Variants in CERS6 observed in about 807,000 individuals in gnomAD.
CERS6 encodes LAG1 homolog, ceramide synthase 6.
CERS6 carries 26 observed loss-of-function variants against 56.8 expected under a neutral mutation model. The ratio of observed to expected loss-of-function variants is 0.46; its 90% confidence interval spans 0.34 to 0.63. The LOEUF (loss-of-function observed/expected upper bound fraction) is 0.63. CERS6 is among the 30% of genes least tolerant of loss of function. The probability of loss-of-function intolerance (pLI) is 0.01; values close to 1 mark genes in which losing one functional copy is unlikely to be tolerated. For synonymous variants in CERS6, 164 were observed against 173.3 expected (o/e 0.95, Z 0.42); for missense variants, 415 against 467.5 (o/e 0.89, Z 1.04).
intron 3 of CERS6, among the ~76,000 whole-genome samples, chr2:168,578,813 G>A (rs1559006065): frequency 2.0e-5 from 3 of 152,102 alleles, no homozygotes; most frequent in East Asian, 1.9e-4. Context: ...TCCTATGGGT[G>A]TAAATTTTCT....
chr2:168,528,373 G>T (rs1010278697), intron 1 of CERS6, among the ~76,000 whole-genome samples: 7 of 152,192 alleles, frequency 4.6e-5, no homozygotes, highest in Non-Finnish European at 8.8e-5. Flanking sequence ...TTCTTCCCCA[G>T]TCCCTACTCT....
chr2:168,517,328 C>G (rs1318338083), intron 1 of CERS6, among the ~76,000 whole-genome samples: 1 of 151,556 alleles, frequency 6.6e-6, no homozygotes, highest in African/African-American at 2.4e-5. Context: ...CCCACCTCTA[C>G]TAAAAATACA....
intron 4 of CERS6, among the ~76,000 whole-genome samples, chr2:168,644,846 C>T (rs111321089): frequency 1.3e-5 from 2 of 151,712 alleles, no homozygotes; most frequent in Admixed American, 6.6e-5. Context: ...GTAATCCCAG[C>T]ACTTTGGGAG....
intron 8 of CERS6, among the ~76,000 whole-genome samples, chr2:168,754,676 TC>T (rs1480925139): frequency 6.6e-6 from 1 of 152,250 alleles, no homozygotes; most frequent in Non-Finnish European, 1.5e-5. Context: ...GAAGCATTCT[TC>T]CTGTCTTGCC....
chr2:168,590,897 C>T (rs1683655247), intron 3 of CERS6, among the ~76,000 whole-genome samples: 1 of 152,202 alleles, frequency 6.6e-6, no homozygotes, highest in Non-Finnish European at 1.5e-5. Flanking sequence ...AACACTGAAT[C>T]CAGATAATTG....
chr2:168,550,052 T>C (rs1036925107), intron 2 of CERS6, among the ~76,000 whole-genome samples: 1 of 152,136 alleles, frequency 6.6e-6, no homozygotes, highest in South Asian at 2.1e-4. Context: ...TGGGGCCCAG[T>C]ACAGAATGAA....
chr2:168,759,576 C>A, intron 8 of CERS6, among the ~76,000 whole-genome samples: 1 of 152,150 alleles, frequency 6.6e-6, no homozygotes, highest in South Asian at 2.1e-4. Context: ...CTGTGACCAC[C>A]CCAATTGCTT....
intron 1 of CERS6, among the ~76,000 whole-genome samples, chr2:168,519,717 A>T (rs1694944753): frequency 6.6e-6 from 1 of 152,174 alleles, no homozygotes; most frequent in African/African-American, 2.4e-5. Flanking sequence ...ACATGATTTC[A>T]TTCTTTTTTT....
intron 1 of CERS6, among the ~76,000 whole-genome samples, chr2:168,467,389 T>C (rs1330490416): frequency 1.3e-5 from 2 of 152,194 alleles, no homozygotes; most frequent in African/African-American, 4.8e-5. Flanking sequence ...CAATCAGTCA[T>C]TTGGGCATTA....
At chr2:168,727,015 A>G (rs1683371388) in intron 8 of CERS6, among the ~76,000 whole-genome samples, 2 of 152,174 alleles carry the variant, frequency 1.3e-5, no homozygotes, top group African/African-American at 4.8e-5. Context: ...TGGGCATACC[A>G]CTGTTGCCAG....
At chr2:168,556,881 A>G (rs1695688281) in intron 2 of CERS6, among the ~76,000 whole-genome samples, 1 of 150,136 alleles carries the variant, frequency 6.7e-6, no homozygotes, top group African/African-American at 2.4e-5. Context: ...GAGGCTGGGC[A>G]TGGTGCTTCA....
chr2:168,548,212 G>T (rs960354414), intron 2 of CERS6, among the ~76,000 whole-genome samples: 1 of 152,194 alleles, frequency 6.6e-6, no homozygotes, highest in Admixed American at 6.5e-5. Context: ...AAGAAGGAGG[G>T]TCAGGAGAGT....
intron 1 of CERS6, among the ~76,000 whole-genome samples, chr2:168,532,113 A>G (rs1695179045): frequency 6.6e-6 from 1 of 152,142 alleles, no homozygotes; most frequent in African/African-American, 2.4e-5. Context: ...TGTTCTTTCT[A>G]CTATATGATG....
At chr2:168,698,255 GA>G (rs869056813) in intron 6 of CERS6, among the ~76,000 whole-genome samples, 3,946 of 17,934 alleles carry the variant, frequency 0.22, 192 homozygotes, top group African/African-American at 0.3. Flanking sequence ...AAAAAAAAAA[GA>G]AAAAAAAAAA....
At position 168,765,621 on chromosome 2, in the gene CERS6, G is replaced by A; in HGVS notation, c.875G>A (p.Trp292Ter). 6.2e-7 allele frequency: 1 copy of A among 1,613,832 alleles called. No individual in the cohort carries two copies. The highest frequency in any genetic ancestry group is 1.3e-5 in the African/African-American group (1 of 75,034). The stretch of plus-strand genomic sequence containing the variant: ...TTAAATACCACATTATTTGAAAGCT[G>A]GGAGATCGTTGGACCTTACCCTTCC... ...WVLNTTLFES[W>*]EIVGPYPSWW... The change falls in exon 9 of 10, where the codon TGG becomes TAG. Residue 292 changes from tryptophan (W) to a stop codon, truncating the protein, a stop_gained. Coordinates refer to ENST00000305747, the MANE Select transcript of CERS6 (RefSeq NM_203463.3). LOFTEE classifies it high-confidence loss of function.
At chr2:168,687,107 G>A (rs1256450154) in intron 4 of CERS6, among the ~76,000 whole-genome samples, 1 of 152,168 alleles carries the variant, frequency 6.6e-6, no homozygotes, top group African/African-American at 2.4e-5. Context: ...CCTTTTAGGG[G>A]CACCGTCCCC....
intron 1 of CERS6, among the ~76,000 whole-genome samples, chr2:168,476,814 C>A (rs1476180751): frequency 1.3e-5 from 2 of 151,892 alleles, no homozygotes; most frequent in Admixed American, 1.3e-4. Flanking sequence ...ATAGTGTCTG[C>A]CCATATTGAG....
At chr2:168,607,537 A>C (rs1208934218) in intron 3 of CERS6, among the ~76,000 whole-genome samples, 1 of 152,102 alleles carries the variant, frequency 6.6e-6, no homozygotes, top group Non-Finnish European at 1.5e-5. Flanking sequence ...ACATGCCACT[A>C]TGCCCGGCTA....
At chr2:168,618,968 A>G (rs902754607) in intron 3 of CERS6, among the ~76,000 whole-genome samples, 2 of 152,212 alleles carry the variant, frequency 1.3e-5, no homozygotes, top group African/African-American at 2.4e-5. Flanking sequence ...AAACTATACT[A>G]TAAGGCCATA....
Sources: allele counts gnomAD v4.1 joint callset (sites outside exome capture counted in the v4.1 genomes callset), GRCh38; gene constraint gnomAD v4.1.1; transcripts MANE v1.5; gene names NCBI Gene and HGNC (gene_info 2026-07-23, HGNC 2026-07-21).